Variants in SPECC1 observed in about 807,000 individuals in gnomAD.
SPECC1 encodes cytospin-B.
Under a neutral mutation model 104.1 loss-of-function variants are expected in SPECC1, and 62 were observed. That is an observed-to-expected ratio of 0.60 (90% CI 0.49 to 0.74). The LOEUF (loss-of-function observed/expected upper bound fraction) is 0.74, where lower values mean the gene tolerates loss of function less well. Ranked by LOEUF, SPECC1 falls within the 30% of genes least tolerant of loss-of-function variation. The pLI is 0.00. For synonymous variants in SPECC1, 513 were observed against 501.6 expected (o/e 1.02, Z -0.30); for missense variants, 1,306 against 1,310.5 (o/e 1.00, Z 0.05).
At chr17:20,050,779 C>T (rs915426620) in intron 1 of SPECC1, among the ~76,000 whole-genome samples, 17 of 152,184 alleles carry the variant, frequency 1.1e-4, no homozygotes, top group East Asian at 9.6e-4. Context: ...ACTGGCCCAA[C>T]TTAGGCTCAC....
chr17:20,131,758 T>G (rs1292001909), intron 3 of SPECC1, among the ~76,000 whole-genome samples: 4 of 150,444 alleles, frequency 2.7e-5, no homozygotes, highest in African/African-American at 9.7e-5. Flanking sequence ...CAAGCAATTC[T>G]CCTGCCTCAG....
chr17:20,141,759 A>G (rs1481019492), intron 3 of SPECC1, among the ~76,000 whole-genome samples: 1 of 152,138 alleles, frequency 6.6e-6, no homozygotes, highest in African/African-American at 2.4e-5. Context: ...TTTTATCCGT[A>G]TAGCTCCTCC....
At chr17:20,212,637 T>TGAGATTTAGGTGGG (rs1424479679) in intron 4 of SPECC1, among the ~76,000 whole-genome samples, 2 of 152,060 alleles carry the variant, frequency 1.3e-5, no homozygotes, top group African/African-American at 4.8e-5. Flanking sequence ...GAATACAAGA[T>TGAGATTTAGGTGGG]GAGATTTAGG....
chr17:20,115,090 T>C (rs1183660597), intron 3 of SPECC1, among the ~76,000 whole-genome samples: 2 of 152,180 alleles, frequency 1.3e-5, no homozygotes, highest in African/African-American at 2.4e-5. Flanking sequence ...AAACTGCAGA[T>C]TTTAGATCTA....
At chr17:20,064,187 T>A (rs16960662) in intron 1 of SPECC1, among the ~76,000 whole-genome samples, 10,653 of 152,124 alleles carry the variant, frequency 0.07, 400 homozygotes, top group Non-Finnish European at 0.081. Flanking sequence ...CAAACCCAGC[T>A]CGGAGGGAGT....
chr17:20,199,080 CTTTTTTTTTTTTTTT>C (rs562975649), intron 3 of SPECC1, among the ~76,000 whole-genome samples: 10 of 76,588 alleles, frequency 1.3e-4, no homozygotes, highest in African/African-American at 6.1e-4. Flanking sequence ...CTTATGGTAG[CTTTTTTTTTTTTTTT>C]TTTTTTTTTG....
intron 3 of SPECC1, among the ~76,000 whole-genome samples, chr17:20,153,726 C>G (rs929299343): frequency 1.3e-5 from 2 of 152,194 alleles, no homozygotes; most frequent in Admixed American, 1.3e-4. Context: ...AGTATATTGA[C>G]TCATTGATTT....
chr17:20,288,501 A>G (rs955372201), intron 12 of SPECC1, among the ~76,000 whole-genome samples: 6 of 152,258 alleles, frequency 3.9e-5, no homozygotes, highest in African/African-American at 1.4e-4. Context: ...ATCACTGATC[A>G]TTAGAGAAAT....
chr17:20,147,181 C>T (rs529537180), intron 3 of SPECC1, among the ~76,000 whole-genome samples: 2 of 150,408 alleles, frequency 1.3e-5, no homozygotes, highest in East Asian at 4.0e-4. Context: ...AAGTGATTCT[C>T]CTGCCTCAGC....
chr17:20,137,079 C>T (rs1375630579), intron 3 of SPECC1, among the ~76,000 whole-genome samples: 1 of 152,246 alleles, frequency 6.6e-6, no homozygotes, highest in African/African-American at 2.4e-5. Context: ...CACTCAGCTC[C>T]TTTTCAGGGC....
At chr17:20,194,322 C>A (rs1015534409) in intron 3 of SPECC1, among the ~76,000 whole-genome samples, 2 of 87,884 alleles carry the variant, frequency 2.3e-5, no homozygotes, top group Admixed American at 2.0e-4. Context: ...TCTTTACTTA[C>A]CCCAAGTCAG....
chr17:20,251,753 C>T (rs1480422413), intron 9 of SPECC1, among the ~76,000 whole-genome samples: 4 of 152,158 alleles, frequency 2.6e-5, no homozygotes, highest in Admixed American at 2.0e-4. Context: ...CTACTGAATG[C>T]TTACTATCTG....
At chr17:20,155,242 C>G (rs1283710401) in intron 3 of SPECC1, 1 of 152,206 alleles carries the variant, frequency 6.6e-6, no homozygotes, top group South Asian at 2.1e-4. Context: ...ATCCTGGAAC[C>G]AAGTGAACAC....
intron 1 of SPECC1, among the ~76,000 whole-genome samples, chr17:20,022,306 G>A (rs1338806124): frequency 6.6e-6 from 1 of 152,102 alleles, no homozygotes; most frequent in Non-Finnish European, 1.5e-5. Context: ...TTTTATATAT[G>A]CTTGTTATCT....
chr17:20,093,771 C>T (rs2047518528), intron 1 of SPECC1, among the ~76,000 whole-genome samples: 1 of 146,100 alleles, frequency 6.8e-6, no homozygotes, highest in Admixed American at 6.9e-5. Context: ...CCCTCTGTCA[C>T]CCAGGCTGGA....
In SPECC1 at chr17:20,009,717, C is replaced by G. The variant is rs906203542; in HGVS notation, c.-22+293C>G. 1 of 152,218 alleles carries G rather than the reference C, an allele frequency of 6.6e-6. No homozygotes were observed. Among genetic ancestry groups the G allele is most frequent in the Non-Finnish European group, 1.5e-5 (1 of 68,064 alleles). The allele number at this position is 152,218 out of a possible 1,614,324, so 9.4% of individuals were successfully genotyped here. On this transcript the variant is annotated intron_variant, in intron 1 of 14. Transcript: ENST00000395527. This position sits in a 1 kb window ranked among gnomAD's most constrained non-coding sequence, Gnocchi z 5.2. Reference sequence around the variant, plus strand: ...GTGGCCGCCTCCTCCCCTCCGGGCCCGAGGGTTGTCGCAGGGACCCGGGAC... The same window carrying G: ...GTGGCCGCCTCCTCCCCTCCGGGCCGGAGGGTTGTCGCAGGGACCCGGGAC...
rs147104412 is a variant in SPECC1 at position 20,318,518 on chromosome 17, C to T, written c.*4453C>T. On this transcript the variant is annotated 3_prime_UTR_variant, in exon 15 of 15. Coordinates refer to ENST00000395527, the MANE Select transcript of SPECC1 (RefSeq NM_001243439.2). ...CTGCCATGTTCTCTTCCCTGCTGCC[C>T]ACAAACGTTACGGAGACTCCCTTAG... 6 of 231,306 alleles carry T rather than the reference C, an allele frequency of 2.6e-5. No individual in the cohort carries two copies. The highest frequency in any genetic ancestry group is 1.1e-4 in the African/African-American group (5 of 45,316). The allele number at this position is 231,306 out of a possible 1,614,324, so 14.3% of individuals were successfully genotyped here. A position where few individuals can be genotyped will look rare whatever the true frequency, so the allele number is the denominator to read the frequency against.
At chr17:20,044,293 C>T (rs773261038) in intron 1 of SPECC1, among the ~76,000 whole-genome samples, 73 of 152,160 alleles carry the variant, frequency 4.8e-4, no homozygotes, top group Middle Eastern at 6.8e-3. Context: ...GCTGTTCTTA[C>T]GAGGTAGTGG....
intron 3 of SPECC1, among the ~76,000 whole-genome samples, chr17:20,201,303 A>C (rs913011833): frequency 8.6e-5 from 13 of 151,988 alleles, no homozygotes; most frequent in Admixed American, 1.3e-4. Flanking sequence ...CTACTAAAAA[A>C]AAAAAAACAA....
Sources: allele counts gnomAD v4.1 joint callset (sites outside exome capture counted in the v4.1 genomes callset), GRCh38; gene constraint gnomAD v4.1.1; non-coding constraint Gnocchi (gnomAD v3.1); transcripts MANE v1.5; gene names NCBI Gene and HGNC (gene_info 2026-07-23, HGNC 2026-07-21).